Variants in SLC18A2 observed in about 807,000 individuals in gnomAD.
SLC18A2 encodes solute carrier family 18 member A2.
In SLC18A2, 33 loss-of-function variants were observed where a neutral mutation model predicts 59.2. The ratio of observed to expected loss-of-function variants is 0.56; its 90% CI spans 0.42 to 0.75. The LOEUF (loss-of-function observed/expected upper bound fraction) is 0.75. Among genes scored for constraint, SLC18A2 ranks in the 30% least tolerant of loss-of-function variants. The pLI is 0.00. For missense variants in SLC18A2, 569 were observed against 668.6 expected, an observed-to-expected ratio of 0.85 and a Z score of 1.64; for synonymous variants, 228 against 253.5, an observed-to-expected ratio of 0.90 and a Z score of 0.95.
At chr10:117,270,290 C>G in intron 14 of SLC18A2, 40 bp from the exon 15 acceptor site, 1 of 1,613,738 alleles carries the variant, frequency 6.2e-7, no homozygotes, top group Non-Finnish European at 8.5e-7. Flanking sequence ...GTCTACAAGA[C>G]ATTTGGAAGA....
chr10:117,241,583 C>G (rs1398303618), intron 1 of SLC18A2, 96 bp from the exon 2 acceptor site: 1 of 1,292,746 alleles, frequency 7.7e-7, no homozygotes, highest in Non-Finnish European at 1.0e-6. Context: ...GATGCCGGTG[C>G]GCGCGGCTCC....
chr10:117,266,889 T>C (rs1455408071), intron 11 of SLC18A2, 78 bp downstream of exon 11: 5 of 1,559,028 alleles, frequency 3.2e-6, no homozygotes, highest in Non-Finnish European at 4.4e-6. Flanking sequence ...GTTTCTGCCT[T>C]TGCTGTTACA....
chr10:117,259,829 C>T (rs1227168450), intron 10 of SLC18A2, among the ~76,000 whole-genome samples: 1 of 152,194 alleles, frequency 6.6e-6, no homozygotes, highest in Non-Finnish European at 1.5e-5. Flanking sequence ...CTGGGCTGAA[C>T]ACTTGCTTAA....
intron 3 of SLC18A2, among the ~76,000 whole-genome samples, chr10:117,248,925 G>A (rs1034869640): frequency 2.6e-5 from 4 of 152,128 alleles, no homozygotes; most frequent in Non-Finnish European, 4.4e-5. Context: ...TCAAGCCAGC[G>A]TCAATGGCTT....
At position 117,242,398 on chromosome 10, in the gene SLC18A2, T is replaced by A. The variant is rs1404269598; in HGVS notation, c.121+584T>A. 3.9e-5 allele frequency among the ~76,000 whole-genome samples: 6 copies of A among 152,106 alleles called. No homozygotes were observed. In the East Asian group the frequency reaches 1.2e-3, roughly 29 times the overall value. On this transcript the variant is annotated intron_variant, in intron 2 of 15. Transcript: ENST00000644641. ...AATAATCGAAATCCAGGTCCCTTAA[T>A]TAGGCCCATTAACAGAGAAGTATTT...
intron 3 of SLC18A2, among the ~76,000 whole-genome samples, chr10:117,245,632 A>G (rs969505874): frequency 1.3e-5 from 2 of 152,018 alleles, no homozygotes; most frequent in African/African-American, 4.8e-5. Flanking sequence ...ACATTCAAAC[A>G]TTATGAAACA....
intron 15 of SLC18A2, among the ~76,000 whole-genome samples, chr10:117,275,570 G>T (rs576257577): frequency 6.6e-6 from 1 of 152,160 alleles, no homozygotes; most frequent in African/African-American, 2.4e-5. Flanking sequence ...TAACTACCAC[G>T]GAGTGCTGCA....
intron 10 of SLC18A2, among the ~76,000 whole-genome samples, chr10:117,262,507 A>G (rs961857452): frequency 6.6e-6 from 1 of 151,742 alleles, no homozygotes; most frequent in Non-Finnish European, 1.5e-5. Flanking sequence ...CCCGCTGCTG[A>G]CACTGGAGAG....
chr10:117,266,629 C>T (rs1210953399), intron 10 of SLC18A2, 104 bp from the exon 11 acceptor site: 24 of 904,434 alleles, frequency 2.7e-5, no homozygotes, highest in African/African-American at 5.1e-5. Flanking sequence ...CCCGGGGCTT[C>T]GTTTTATCTG....
At chr10:117,242,049 C>T (rs1014692160) in intron 2 of SLC18A2, 9 of 415,932 alleles carry the variant, frequency 2.2e-5, no homozygotes, top group African/African-American at 1.7e-4. Context: ...CGATAAGACC[C>T]AGAACTTATG....
chr10:117,243,932 A>G, intron 2 of SLC18A2, 39 bp from the exon 3 acceptor site: 1 of 1,535,876 alleles, frequency 6.5e-7, no homozygotes, highest in African/African-American at 1.4e-5. Context: ...AGAGGGTTTC[A>G]GTGTGATCAC....
Position 117,269,272 on chromosome 10 carries a change from CAA to C in SLC18A2, c.1187-797_1187-796del, listed in dbSNP as rs1844394852. Among the ~76,000 whole-genome samples the C allele has an allele frequency of 6.6e-6, 1 of 151,992 alleles. No homozygotes were observed. On this transcript the variant is annotated intron_variant, in intron 13 of 15. Transcript: ENST00000644641. The surrounding 1 kb of genome is among the most constrained non-coding windows in gnomAD (Gnocchi z 5.1). ...ACATATACACAGACACATACACATG[CAA>C]ACACATGTACACACATATATACACA...
chr10:117,248,767 G>C (rs921004551), intron 3 of SLC18A2, among the ~76,000 whole-genome samples: 24 of 152,304 alleles, frequency 1.6e-4, no homozygotes, highest in African/African-American at 5.3e-4. Context: ...GTCTTGCTTA[G>C]CATAAGGTTG....
At chr10:117,266,649 A>AC (rs1311915355) in intron 10 of SLC18A2, 84 bp from the exon 11 acceptor site, 1 of 1,073,010 alleles carries the variant, frequency 9.3e-7, no homozygotes, top group African/African-American at 1.6e-5. Flanking sequence ...GCTCTCATCA[A>AC]CATTGTGGTG....
At chr10:117,258,455 C>G (rs1373395713) in intron 10 of SLC18A2, among the ~76,000 whole-genome samples, 1 of 152,184 alleles carries the variant, frequency 6.6e-6, no homozygotes, top group African/African-American at 2.4e-5. Flanking sequence ...AAAATCCAGT[C>G]AAGTGAATTT....
intron 12 of SLC18A2, chr10:117,267,281 T>A: frequency 1.9e-6 from 1 of 527,734 alleles, no homozygotes. Flanking sequence ...CCCTGCATCA[T>A]CTTAAGCTTG....
At chr10:117,257,939 G>A (rs1414302778) in intron 10 of SLC18A2, 47 bp downstream of exon 10, 1 of 1,405,676 alleles carries the variant, frequency 7.1e-7, no homozygotes, top group Non-Finnish European at 9.9e-7. Flanking sequence ...TTTGTCCCCA[G>A]GGCAGCCTTT....
chr10:117,254,102 G>A lies in SLC18A2; in HGVS notation c.578G>A (p.Gly193Asp). ...AFLLIARSLQ[G>D]IGSSCSSVAG... ...CTGCTGATTGCCAGGTCGCTGCAGG[G>A]CATCGGCTCGTCCTGCTCCTCTGTG... The change falls in exon 5 of 16, where the codon GGC becomes GAC. Residue 193 changes from glycine (G) to aspartate (D), a missense_variant. Physicochemically the swap from Gly to Asp is moderately conservative, Grantham distance 94. Coordinates refer to ENST00000644641, the MANE Select transcript of SLC18A2 (RefSeq NM_003054.6). 1 of 1,613,536 alleles carries A rather than the reference G, an allele frequency of 6.2e-7. No homozygotes were observed. Among genetic ancestry groups the A allele is most frequent in the Non-Finnish European group, 8.5e-7 (1 of 1,180,024 alleles).
At chr10:117,276,785 A>AT (rs1458150684) in intron 15 of SLC18A2, among the ~76,000 whole-genome samples, 3 of 152,068 alleles carry the variant, frequency 2.0e-5, no homozygotes, top group African/African-American at 7.2e-5. Context: ...TGTTGCTACA[A>AT]TGACGTCTGT....
Sources: gnomAD v4.1 joint callset for allele counts (sites outside exome capture counted in the v4.1 genomes callset) on GRCh38, gnomAD v4.1.1 for gene constraint, Gnocchi (gnomAD v3.1) non-coding constraint, MANE v1.5 for transcripts, NCBI Gene and HGNC (gene_info 2026-07-23, HGNC 2026-07-21) for gene names.